Variants in TRPM1 observed in about 807,000 individuals in gnomAD.
The protein encoded by TRPM1 is TRPM1-203 APA Isoform, Intron 10.
TRPM1 carries 113 observed loss-of-function variants against 149.4 expected under a neutral mutation model. That is an observed-to-expected ratio of 0.76 (90% CI 0.65 to 0.88). The LOEUF (loss-of-function observed/expected upper bound fraction) is 0.88, where lower values mean the gene tolerates loss of function less well. Ranked by LOEUF, TRPM1 falls within the 40% of genes least tolerant of loss-of-function variation. The pLI is 0.00. For missense variants in TRPM1, 1,976 were observed against 2,038.7 expected (o/e 0.97, Z 0.59); for synonymous variants, 741 against 759.5 (o/e 0.98, Z 0.40).
chr15:31,060,479 C>G, intron 11 of TRPM1, 65 bp downstream of exon 11: 2 of 1,339,288 alleles, frequency 1.5e-6, no homozygotes, highest in Non-Finnish European at 2.1e-6. Flanking sequence ...CAAGGGAGAA[C>G]ATACTAATAG....
chr15:31,090,121 A>G (rs1224605939), intron 1 of TRPM1, among the ~76,000 whole-genome samples: 2 of 152,146 alleles, frequency 1.3e-5, no homozygotes, highest in African/African-American at 4.8e-5. Flanking sequence ...ACCCCCATGA[A>G]CACTGGTGCG....
At chr15:31,015,550 G>A (rs58083498) in intron 27 of TRPM1, among the ~76,000 whole-genome samples, 84,042 of 151,994 alleles carry the variant, frequency 0.55, 24,321 homozygotes, top group African/African-American at 0.7. Context: ...CAAAAAGATA[G>A]CACAGAAACA....
chr15:31,136,749 C>CTTTTTTT (rs60370849), intron 1 of TRPM1, among the ~76,000 whole-genome samples: 19 of 137,854 alleles, frequency 1.4e-4, no homozygotes, highest in Middle Eastern at 3.8e-3. Context: ...CGCCCCCACC[C>CTTTTTTT]TTTTTTTTTT....
chr15:31,028,856 T>C (rs892757754), intron 24 of TRPM1, among the ~76,000 whole-genome samples: 30 of 152,158 alleles, frequency 2.0e-4, no homozygotes, highest in African/African-American at 7.0e-4. Context: ...TCCCATTTCT[T>C]TATTGTGGCT....
At chr15:31,088,737 C>G (rs567973829) in intron 1 of TRPM1, among the ~76,000 whole-genome samples, 15 of 151,106 alleles carry the variant, frequency 9.9e-5, no homozygotes, top group Non-Finnish European at 1.9e-4. Context: ...CGGCGGTATT[C>G]GTCTTCCTGC....
chr15:31,141,956 C>T (rs1175984538), intron 1 of TRPM1, among the ~76,000 whole-genome samples: 1 of 152,128 alleles, frequency 6.6e-6, no homozygotes, highest in Non-Finnish European at 1.5e-5. Context: ...TAGAGTGGCT[C>T]ACACTTGTAA....
chr15:31,077,428 T>C (rs2034729352), intron 2 of TRPM1, among the ~76,000 whole-genome samples: 1 of 131,408 alleles, frequency 7.6e-6, no homozygotes, highest in Admixed American at 7.6e-5. Context: ...GCTGGCTTTA[T>C]CCCACATGGC....
At chr15:31,010,265 G>A (rs1389085537) in intron 27 of TRPM1, among the ~76,000 whole-genome samples, 1 of 152,200 alleles carries the variant, frequency 6.6e-6, no homozygotes, top group Non-Finnish European at 1.5e-5. Flanking sequence ...TGCCAGTTCA[G>A]TTTTCAAAGT....
intron 1 of TRPM1, among the ~76,000 whole-genome samples, chr15:31,122,992 A>C (rs151122825): frequency 1.3e-5 from 2 of 152,390 alleles, no homozygotes; most frequent in East Asian, 3.8e-4. Context: ...ATACACACTC[A>C]CAAAAATTTA....
At chr15:31,088,289 A>G (rs2035059449) in intron 1 of TRPM1, among the ~76,000 whole-genome samples, 1 of 152,202 alleles carries the variant, frequency 6.6e-6, no homozygotes, top group African/African-American at 2.4e-5. Context: ...AAGGGAATAA[A>G]AGCTGGTCAC....
chr15:31,074,138 T>C lies in TRPM1; in HGVS notation c.83+2767A>G, dbSNP rs1180026907. ...AGAATTTCTGCACCCATGTTCATAATAGATATTGATCTATAGTTTTCTATC... is the reference window on the plus strand; with the variant it reads ...AGAATTTCTGCACCCATGTTCATAACAGATATTGATCTATAGTTTTCTATC... On this transcript the variant is annotated intron_variant, in intron 3 of 27. Coordinates refer to ENST00000256552, the MANE Select transcript of TRPM1 (RefSeq NM_001252024.2). 3.3e-5 allele frequency among the ~76,000 whole-genome samples: 5 copies of C among 152,246 alleles called. No individual in the cohort carries two copies. In the East Asian group the frequency reaches 5.8e-4, roughly 18 times the overall value.
At chr15:31,150,227 A>G (rs1480820315) in intron 1 of TRPM1, among the ~76,000 whole-genome samples, 1 of 152,164 alleles carries the variant, frequency 6.6e-6, no homozygotes, top group Non-Finnish European at 1.5e-5. Context: ...TGCAGGACTT[A>G]TCAGAGCCTT....
At chr15:31,067,796 TTA>T (rs2034421682) in intron 5 of TRPM1, 81 bp downstream of exon 5, 1 of 1,343,956 alleles carries the variant, frequency 7.4e-7, no homozygotes, top group Admixed American at 1.7e-5. Flanking sequence ...TTTGTTGTCC[TTA>T]GTTATTAGGA....
intron 26 of TRPM1, 141 bp from the exon 27 acceptor site, chr15:31,026,412 T>C (rs1292111001): frequency 9.5e-7 from 1 of 1,050,768 alleles, no homozygotes; most frequent in Non-Finnish European, 1.4e-6. Context: ...TCCAATTGAT[T>C]TTTATCTAAA....
intron 7 of TRPM1, chr15:31,064,892 T>C (rs1162693469): frequency 1.7e-5 from 7 of 413,882 alleles, no homozygotes; most frequent in Non-Finnish European, 3.4e-5. Context: ...AACTAAGATA[T>C]CCTGGACTCC....
chr15:31,029,019 TA>T (rs2032932200), intron 24 of TRPM1, among the ~76,000 whole-genome samples: 1 of 152,198 alleles, frequency 6.6e-6, no homozygotes, highest in Admixed American at 6.5e-5. Flanking sequence ...ACTGATACAT[TA>T]AATTTGAAAA....
Position 31,085,432 on chromosome 15 carries a change from G to C in TRPM1, c.-83-3994C>G, listed in dbSNP as rs1234377828. ...CCGTTGTAATTAAGAGCAATAAAAA[G>C]ATCACAAAATGGAAGAAAGTCGTAT... On this transcript the variant is annotated intron_variant, in intron 1 of 27. Transcript: ENST00000256552. Among the ~76,000 whole-genome samples the C allele has an allele frequency of 2.6e-5, 4 of 152,186 alleles. No homozygotes were observed. In the South Asian group the frequency reaches 8.3e-4, roughly 31 times the overall value.
At chr15:31,135,807 C>T (rs1205480527) in intron 1 of TRPM1, among the ~76,000 whole-genome samples, 1 of 152,170 alleles carries the variant, frequency 6.6e-6, no homozygotes, top group Non-Finnish European at 1.5e-5. Flanking sequence ...ACCGGCTCCT[C>T]TTCCTCTTCC....
rs558823511 is a variant in TRPM1 at position 31,146,651 on chromosome 15, T to C, written c.54+14255A>G. 1.1e-4 allele frequency among the ~76,000 whole-genome samples: 16 copies of C among 152,350 alleles called. No individual in the cohort carries two copies. In the South Asian group the frequency reaches 3.1e-3, roughly 30 times the overall value. Reference sequence around the variant, plus strand: ...ACCAATCCATGAGTTTTCTATTTTTTAGTCTCCCGGTCCCTGCATTACAAG... The same window carrying C: ...ACCAATCCATGAGTTTTCTATTTTTCAGTCTCCCGGTCCCTGCATTACAAG... On this transcript the variant is annotated intron_variant, in intron 1 of 26. Transcript: ENST00000542188.
Sources: gnomAD v4.1 joint callset for allele counts (sites outside exome capture counted in the v4.1 genomes callset) on GRCh38, gnomAD v4.1.1 for gene constraint, MANE v1.5 for transcripts, NCBI Gene and HGNC (gene_info 2026-07-23, HGNC 2026-07-21) for gene names.